Variants in UNC5D observed in about 807,000 individuals in gnomAD.
The protein encoded by UNC5D is unc-5 netrin receptor D.
In UNC5D, 39 loss-of-function variants were observed where a neutral mutation model predicts 105.4. That is an observed-to-expected ratio of 0.37 (90% CI 0.29 to 0.48). UNC5D has a LOEUF of 0.48. Among genes scored for constraint, UNC5D ranks in the 20% least tolerant of loss-of-function variants. The pLI, the probability that UNC5D is intolerant of heterozygous loss-of-function variation, is 0.98. For missense variants in UNC5D, 991 were observed against 1,202.4 expected (o/e 0.82, Z 2.60); for synonymous variants, 452 against 450.4 (o/e 1.00, Z -0.04).
intron 1 of UNC5D, among the ~76,000 whole-genome samples, chr8:35,329,720 C>A (rs1810463986): frequency 6.6e-6 from 1 of 152,232 alleles, no homozygotes; most frequent in South Asian, 2.1e-4. Context: ...GCAATTGCCC[C>A]AGGAGGCCCT....
At chr8:35,538,019 A>G (rs1232277275) in intron 1 of UNC5D, among the ~76,000 whole-genome samples, 1 of 152,152 alleles carries the variant, frequency 6.6e-6, no homozygotes, top group African/African-American at 2.4e-5. Flanking sequence ...ATGAATAGTT[A>G]CATACATGAA....
intron 1 of UNC5D, among the ~76,000 whole-genome samples, chr8:35,410,167 T>A (rs1266277584): frequency 1.3e-5 from 2 of 152,050 alleles, no homozygotes; most frequent in African/African-American, 4.8e-5. Context: ...GAGCAACTAT[T>A]GTCTGGTACG....
At chr8:35,619,469 A>G (rs1240283274) in intron 4 of UNC5D, among the ~76,000 whole-genome samples, 1 of 152,220 alleles carries the variant, frequency 6.6e-6, no homozygotes, top group East Asian at 1.9e-4. Flanking sequence ...ATTGGATCAC[A>G]AAGTGTCTTG....
intron 1 of UNC5D, among the ~76,000 whole-genome samples, chr8:35,282,543 A>G (rs1806265853): frequency 6.6e-6 from 1 of 152,150 alleles, no homozygotes; most frequent in Admixed American, 6.5e-5. Context: ...TCCCGCATAT[A>G]TGACTTTGCC....
At chr8:35,615,035 G>GCCCCCCC (rs1394702258) in intron 4 of UNC5D, among the ~76,000 whole-genome samples, 1 of 53,820 alleles carries the variant, frequency 1.9e-5, no homozygotes, top group Non-Finnish European at 3.0e-5. Flanking sequence ...CATAGTGAGG[G>GCCCCCCC]GCCCCCCCCC....
intron 4 of UNC5D, among the ~76,000 whole-genome samples, chr8:35,680,877 A>G (rs981602582): frequency 6.6e-6 from 1 of 152,166 alleles, no homozygotes; most frequent in Non-Finnish European, 1.5e-5. Flanking sequence ...CTGAGCGGGG[A>G]ACATAGGAGA....
At chr8:35,638,250 T>C (rs1329924446) in intron 4 of UNC5D, among the ~76,000 whole-genome samples, 1 of 152,138 alleles carries the variant, frequency 6.6e-6, no homozygotes, top group East Asian at 1.9e-4. Context: ...ATACTATGCT[T>C]TCAGAAGGAA....
Position 35,248,764 on chromosome 8 carries a change from ATATAT to A in UNC5D, c.103+12883_103+12887del, listed in dbSNP as rs1262213168. Among the ~76,000 whole-genome samples the A allele has an allele frequency of 4.0e-5, 4 of 99,444 alleles. No homozygotes were observed. The East Asian group carries it at 9.5e-4, about 24-fold the overall frequency. The allele number at this position is 99,444 out of a possible 152,430, so 65.2% of individuals were successfully genotyped here. On this transcript the variant is annotated intron_variant, in intron 1 of 16. Coordinates refer to ENST00000404895, the MANE Select transcript of UNC5D (RefSeq NM_080872.4). ...TATATAAAATATATAAATATATATA[ATATAT>A]TATATAAATATATAAAATATAATAT...
intron 1 of UNC5D, among the ~76,000 whole-genome samples, chr8:35,457,101 C>T (rs531877793): frequency 4.6e-5 from 7 of 152,170 alleles, no homozygotes; most frequent in East Asian, 1.9e-4. Context: ...TAATACCTGC[C>T]GTTAATTAGG....
At chr8:35,748,832 C>G (rs1446610588) in intron 12 of UNC5D, 137 bp downstream of exon 12, 3 of 914,980 alleles carry the variant, frequency 3.3e-6, no homozygotes, top group Non-Finnish European at 4.8e-6. Flanking sequence ...TTATAATATC[C>G]TAAACATATT....
At chr8:35,683,872 G>A in intron 5 of UNC5D, 145 bp downstream of exon 5, 3 of 723,418 alleles carry the variant, frequency 4.1e-6, no homozygotes, top group Non-Finnish European at 5.8e-6. Flanking sequence ...TCCCTCGTCT[G>A]GCAGGCAAAA....
At chr8:35,788,785 A>T (rs1331449393) in intron 16 of UNC5D, among the ~76,000 whole-genome samples, 1 of 151,966 alleles carries the variant, frequency 6.6e-6, no homozygotes, top group Non-Finnish European at 1.5e-5. Context: ...TTCAGAGAAG[A>T]CATAAATCAT....
intron 4 of UNC5D, among the ~76,000 whole-genome samples, chr8:35,624,790 A>C (rs1821601198): frequency 6.6e-6 from 1 of 152,152 alleles, no homozygotes; most frequent in Non-Finnish European, 1.5e-5. Context: ...ACAACCATCC[A>C]CAGCATCTCT....
intron 1 of UNC5D, among the ~76,000 whole-genome samples, chr8:35,349,113 T>C (rs1009399386): frequency 6.6e-6 from 1 of 151,912 alleles, no homozygotes; most frequent in Non-Finnish European, 1.5e-5. Flanking sequence ...ATTGTTTGGT[T>C]CCAGTATGTG....
intron 1 of UNC5D, among the ~76,000 whole-genome samples, chr8:35,509,144 A>G (rs764066225): frequency 6.6e-5 from 10 of 152,058 alleles, no homozygotes; most frequent in African/African-American, 2.4e-4. Context: ...ATTTTCTACT[A>G]TGTCATAGAA....
At chr8:35,298,586 G>GTTTTTTTTTTTTTTTTTTTTT (rs35299004) in intron 1 of UNC5D, among the ~76,000 whole-genome samples, 1 of 110,572 alleles carries the variant, frequency 9.0e-6, no homozygotes, top group Non-Finnish European at 1.8e-5. Flanking sequence ...ATTGTTGTAG[G>GTTTTTTTTTTTTTTTTTTTTT]TTTTTTTTTT....
intron 1 of UNC5D, among the ~76,000 whole-genome samples, chr8:35,266,300 A>G (rs1305200637): frequency 6.6e-6 from 1 of 152,252 alleles, no homozygotes; most frequent in Non-Finnish European, 1.5e-5. Flanking sequence ...TGTAGCCAAC[A>G]TTATAGCATT....
At chr8:35,699,112 C>T (rs1041648601) in intron 7 of UNC5D, among the ~76,000 whole-genome samples, 4 of 152,152 alleles carry the variant, frequency 2.6e-5, no homozygotes, top group African/African-American at 9.7e-5. Flanking sequence ...GCATATTCAT[C>T]ACAAAAACTA....
intron 4 of UNC5D, among the ~76,000 whole-genome samples, chr8:35,645,582 A>T (rs1035690262): frequency 6.6e-6 from 1 of 151,174 alleles, no homozygotes; most frequent in African/African-American, 2.4e-5. Flanking sequence ...TAGTACTCCA[A>T]CCCTTCTTCC....
Sources: allele counts gnomAD v4.1 joint callset (sites outside exome capture counted in the v4.1 genomes callset), GRCh38; gene constraint gnomAD v4.1.1; transcripts MANE v1.5; gene names NCBI Gene and HGNC (gene_info 2026-07-23, HGNC 2026-07-21).